The following POLDIP3 variants were observed in gnomAD, a reference collection of about 807,000 sequenced individuals.
POLDIP3 encodes the protein polymerase delta-interacting protein 3.
Under a neutral mutation model 45.1 loss-of-function variants are expected in POLDIP3, and 14 were observed. The observed-to-expected ratio is 0.31, with a 90% CI of 0.20 to 0.49. The LOEUF (loss-of-function observed/expected upper bound fraction) is 0.49, where lower values mean the gene tolerates loss of function less well. POLDIP3 is among the 20% of genes least tolerant of loss of function. POLDIP3 has a pLI of 0.99. For synonymous variants in POLDIP3, 223 were observed against 205.2 expected (o/e 1.09, Z -0.74); for missense variants, 511 against 538.8 (o/e 0.95, Z 0.51).
chr22:42,614,817 C>G lies in POLDIP3; in HGVS notation c.41G>C (p.Gly14Ala), dbSNP rs757458876. 2 of 1,613,978 alleles carry G rather than the reference C, an allele frequency of 1.2e-6. No homozygotes were observed. The highest frequency in any genetic ancestry group is 1.7e-6 in the Non-Finnish European group (2 of 1,179,972). Reference sequence around the variant, plus strand: ...CTCTCACCGTCCTTTCGCCGCCGCCCCGCGCTTCCTGATGAGTTCGTCCAG... The same window carrying G: ...CTCTCACCGTCCTTTCGCCGCCGCCGCGCGCTTCCTGATGAGTTCGTCCAG... ...ISLDELIRKR[G>A]AAAKGRLNAR... The change falls in exon 1 of 9, where the codon GGG (glycine) becomes GCG (alanine). Residue 14 changes from glycine (G) to alanine (A), a missense_variant. Gly to Ala is a moderately conservative substitution (Grantham distance 60). Coordinates refer to ENST00000252115, the MANE Select transcript of POLDIP3 (RefSeq NM_032311.5).
chr22:42,601,896 C>G, intron 3 of POLDIP3, 74 bp downstream of exon 3: 1 of 1,520,314 alleles, frequency 6.6e-7, no homozygotes, highest in African/African-American at 1.4e-5. Context: ...TAGGCCTCAT[C>G]AAAACACGTG....
In POLDIP3 at chr22:42,591,971, G is replaced by A; in HGVS notation, c.1005C>T (p.Asn335=). ...DDAITAYKKY[N]NRCLDGQPMK... ...CTAACTTACCGTCCAGACACCGGTT[G>A]TTGTACTTCTTATATGCGGTGATGG... Residue 335 remains asparagine (N), a synonymous_variant, in exon 7 of 9, where the codon AAC becomes AAT. Coordinates refer to ENST00000252115, the MANE Select transcript of POLDIP3 (RefSeq NM_032311.5). The A allele has an allele frequency of 6.2e-7, 1 of 1,614,222 alleles. No homozygotes were observed. Among genetic ancestry groups the A allele is most frequent in the Non-Finnish European group, 8.5e-7 (1 of 1,180,036 alleles).
chr22:42,600,442 T>C lies in POLDIP3; in HGVS notation c.538-649A>G, dbSNP rs542615504. 1.2e-3 allele frequency among the ~76,000 whole-genome samples: 175 copies of C among 149,500 alleles called. 1 individual carries two copies. Among genetic ancestry groups the C allele is most frequent in the East Asian group, 2.0e-3 (10 of 4,952 alleles). The stretch of plus-strand genomic sequence containing the variant: ...GAGATCGAGATCATCCTGGCTAACA[T>C]GGTGAAACCCCGTCTCTACGAAAAA... On this transcript the variant is annotated intron_variant, in intron 3 of 8. Coordinates refer to ENST00000252115, the MANE Select transcript of POLDIP3 (RefSeq NM_032311.5).
chr22:42,602,100 T>C (rs375523512), intron 2 of POLDIP3, 44 bp from the exon 3 acceptor site: 1 of 1,613,356 alleles, frequency 6.2e-7, no homozygotes, highest in Non-Finnish European at 8.5e-7. Context: ...AGGGTCCACA[T>C]GCATTCTCTA....
chr22:42,602,753 CA>C lies in POLDIP3; in HGVS notation c.450+16del. The stretch of plus-strand genomic sequence containing the variant: ...TTACTAGCTTTCTGGGAATTCATGA[CA>C]AAAGCCACAACTCACCTGGATGGTT... On this transcript the variant is annotated intron_variant, in intron 2 of 8. Transcript: ENST00000252115. 1.3e-6 allele frequency: 2 copies of C among 1,571,364 alleles called. No homozygotes were observed.
chr22:42,593,789 G>T (rs1376145751), intron 6 of POLDIP3, among the ~76,000 whole-genome samples: 1 of 152,088 alleles, frequency 6.6e-6, no homozygotes, highest in East Asian at 1.9e-4. Flanking sequence ...AAAGTGCTGG[G>T]ATTACAGGCG....
At chr22:42,611,080 C>A (rs1016409258) in intron 1 of POLDIP3, among the ~76,000 whole-genome samples, 1 of 152,230 alleles carries the variant, frequency 6.6e-6, no homozygotes, top group Non-Finnish European at 1.5e-5. Flanking sequence ...AAACCACCCT[C>A]TTCTGGTTCA....
chr22:42,592,000 C>T lies in POLDIP3; in HGVS notation c.976G>A (p.Asp326Asn), dbSNP rs766828845. The T allele has an allele frequency of 5.6e-6, 9 of 1,614,200 alleles. No homozygotes were observed. The East Asian group carries it at 6.7e-5, about 12-fold the overall frequency. ...VAEVVFVKKD[D>N]AITAYKKYNN... The stretch of plus-strand genomic sequence containing the variant: ...TACTTCTTATATGCGGTGATGGCAT[C>T]GTCCTTTTTCACAAACACCACCTCC... Residue 326 changes from aspartate (D) to asparagine (N), a missense_variant, in exon 7 of 9, where the codon GAT becomes AAT. By Grantham distance (23) the Asp-to-Asn change is conservative. This residue lies in a region of POLDIP3 where 66 missense variants were observed against 118.1 expected (regional missense o/e 0.56). Coordinates refer to ENST00000252115, the MANE Select transcript of POLDIP3 (RefSeq NM_032311.5).
intron 1 of POLDIP3, among the ~76,000 whole-genome samples, chr22:42,613,789 TCTG>T (rs983038404): frequency 6.6e-6 from 1 of 152,088 alleles, no homozygotes; most frequent in African/African-American, 2.4e-5. Context: ...AAAATAAACA[TCTG>T]CTGAGAGAAC....
At chr22:42,603,298 A>G (rs1012040805) in intron 1 of POLDIP3, 138 bp from the exon 2 acceptor site, 6 of 844,658 alleles carry the variant, frequency 7.1e-6, no homozygotes, top group Admixed American at 2.8e-5. Flanking sequence ...GATTGAATAA[A>G]CGATTATGCC....
intron 1 of POLDIP3, among the ~76,000 whole-genome samples, chr22:42,606,291 T>C (rs1394583247): frequency 2.0e-5 from 3 of 151,178 alleles, no homozygotes; most frequent in Non-Finnish European, 4.4e-5. Context: ...GGAGGCCAAA[T>C]GGCAGGATGG....
chr22:42,593,306 G>GT (rs1194206438), intron 6 of POLDIP3, among the ~76,000 whole-genome samples: 1 of 152,192 alleles, frequency 6.6e-6, no homozygotes, highest in Non-Finnish European at 1.5e-5. Context: ...AATAGTAGGT[G>GT]TAATTCCAAT....
At chr22:42,587,907 A>G (rs1925414001) in intron 7 of POLDIP3, among the ~76,000 whole-genome samples, 1 of 152,246 alleles carries the variant, frequency 6.6e-6, no homozygotes, top group Non-Finnish European at 1.5e-5. Flanking sequence ...AAATTCAGTG[A>G]AAAGATGATC....
At chr22:42,612,232 G>A (rs1479897605) in intron 1 of POLDIP3, among the ~76,000 whole-genome samples, 1 of 152,160 alleles carries the variant, frequency 6.6e-6, no homozygotes, top group African/African-American at 2.4e-5. Flanking sequence ...TTAAGTACCC[G>A]TTGTCAGGAA....
chr22:42,599,291 G>C (rs1926195887), intron 4 of POLDIP3, among the ~76,000 whole-genome samples: 1 of 152,214 alleles, frequency 6.6e-6, no homozygotes, highest in South Asian at 2.1e-4. Flanking sequence ...CCCAAACAAA[G>C]AAATATTTCT....
At chr22:42,600,034 G>C (rs62239741) in intron 3 of POLDIP3, among the ~76,000 whole-genome samples, 1 of 152,148 alleles carries the variant, frequency 6.6e-6, no homozygotes, top group Non-Finnish European at 1.5e-5. Flanking sequence ...CTTTTTCCCA[G>C]TGGGCAGTAT....
intron 3 of POLDIP3, among the ~76,000 whole-genome samples, chr22:42,600,499 G>A (rs1306209847): frequency 1.3e-5 from 2 of 152,032 alleles, no homozygotes; most frequent in African/African-American, 2.4e-5. Flanking sequence ...GGTGGCATGC[G>A]CCTGTAGTCC....
chr22:42,593,271 C>T (rs912957731), intron 6 of POLDIP3, among the ~76,000 whole-genome samples: 5 of 152,054 alleles, frequency 3.3e-5, no homozygotes, highest in African/African-American at 9.7e-5. Context: ...GATGCAGAAC[C>T]GACAGATATG....
At chr22:42,609,736 A>G (rs1333820903) in intron 1 of POLDIP3, among the ~76,000 whole-genome samples, 1 of 152,082 alleles carries the variant, frequency 6.6e-6, no homozygotes, top group African/African-American at 2.4e-5. Context: ...AACAAACAAA[A>G]AAAGCTTCTG....
Sources: gnomAD v4.1 joint callset for allele counts (sites outside exome capture counted in the v4.1 genomes callset) on GRCh38, gnomAD v4.1.1 for gene constraint, gnomAD v4.1.1 regional missense constraint, MANE v1.5 for transcripts, NCBI Gene and HGNC (gene_info 2026-07-23, HGNC 2026-07-21) for gene names.